The following TMED3 variants were observed in gnomAD, a reference collection of about 807,000 sequenced individuals.
TMED3 encodes transmembrane emp24 domain-containing protein 3.
In TMED3, 9 loss-of-function variants were observed where a neutral mutation model predicts 15.0. The ratio of observed to expected loss-of-function variants is 0.60; its 90% CI spans 0.36 to 1.04. TMED3 has a LOEUF of 1.04. Among genes scored for constraint, TMED3 ranks in the 50% least tolerant of loss-of-function variants. The probability of loss-of-function intolerance (pLI) is 0.01; values close to 1 mark genes in which losing one functional copy is unlikely to be tolerated. For missense variants in TMED3, 267 were observed against 278.9 expected, an observed-to-expected ratio of 0.96 and a Z score of 0.30; for synonymous variants, 117 against 121.4, an observed-to-expected ratio of 0.96 and a Z score of 0.24.
At position 79,315,059 on chromosome 15, in the gene TMED3, C is replaced by T. The variant is rs146853558; in HGVS notation, c.417+1054C>T. Among the ~76,000 whole-genome samples, 412 of 152,272 alleles carry T rather than the reference C, an allele frequency of 2.7e-3. 4 individuals are homozygous for T. Among genetic ancestry groups the T allele is most frequent in the African/African-American group, 9.4e-3 (389 of 41,536 alleles). ...ACGTGTGCCAGAACCAAAGCCACAG[C>T]GTCTTGAACTTTCAAGGAGGCCAGA... On this transcript the variant is annotated intron_variant, in intron 2 of 2. Transcript: ENST00000299705.
At chr15:79,325,077 C>G (rs890413611), downstream of TMED3, among the ~76,000 whole-genome samples, 1 of 152,162 alleles carries the variant, frequency 6.6e-6, no homozygotes, top group Admixed American at 6.5e-5. Context: ...GGCACATCTG[C>G]TAGCTCACAT....
intron 2 of TMED3, among the ~76,000 whole-genome samples, chr15:79,342,864 AAAC>A (rs1329688554): frequency 1.3e-5 from 2 of 152,242 alleles, no homozygotes; most frequent in African/African-American, 4.8e-5. Flanking sequence ...GCCAGACAAT[AAAC>A]AGATAAAGTA....
chr15:79,404,424 T>C (rs1310022302), intron 2 of TMED3, among the ~76,000 whole-genome samples: 1 of 152,206 alleles, frequency 6.6e-6, no homozygotes, highest in Non-Finnish European at 1.5e-5. Flanking sequence ...GCATCCTCCC[T>C]TGTTTCTGTA....
intron 2 of TMED3, among the ~76,000 whole-genome samples, chr15:79,351,452 C>G (rs2058890661): frequency 6.6e-6 from 1 of 152,154 alleles, no homozygotes. Flanking sequence ...CTTTAATTAC[C>G]AGCACATCCA....
chr15:79,317,869 G>T (rs2058747734), intron 2 of TMED3, among the ~76,000 whole-genome samples: 1 of 152,178 alleles, frequency 6.6e-6, no homozygotes, highest in Admixed American at 6.5e-5. Flanking sequence ...CCTCTAAACT[G>T]GTTCGCATAC....
intron 2 of TMED3, among the ~76,000 whole-genome samples, chr15:79,395,108 ATAT>A (rs1893746896): frequency 6.6e-6 from 1 of 152,018 alleles, no homozygotes; most frequent in African/African-American, 2.4e-5. Context: ...TGGCCTGATA[ATAT>A]TTCCTGTTTT....
intron 2 of TMED3, among the ~76,000 whole-genome samples, chr15:79,386,197 T>C (rs1893624555): frequency 6.6e-6 from 1 of 152,218 alleles, no homozygotes. Flanking sequence ...GAAAAAGTTC[T>C]GAAGATCTAT....
intron 2 of TMED3, among the ~76,000 whole-genome samples, chr15:79,391,068 T>TC (rs1893689899): frequency 1.3e-5 from 2 of 151,972 alleles, no homozygotes; most frequent in Admixed American, 6.6e-5. Context: ...ATTTTTTTTT[T>TC]CATTTCAATT....
At chr15:79,336,405 C>A (rs556825128) in intron 2 of TMED3, among the ~76,000 whole-genome samples, 2 of 152,292 alleles carry the variant, frequency 1.3e-5, no homozygotes, top group Middle Eastern at 3.4e-3. Flanking sequence ...TGCCTGTAAT[C>A]CCAGCACTTT....
intron 2 of TMED3, among the ~76,000 whole-genome samples, chr15:79,345,183 T>C (rs1257563795): frequency 6.6e-6 from 1 of 152,196 alleles, no homozygotes; most frequent in African/African-American, 2.4e-5. Flanking sequence ...CAGGGGTACA[T>C]GTGCAGGTTT....
chr15:79,319,242 G>T (rs910243611), intron 2 of TMED3, among the ~76,000 whole-genome samples: 6 of 152,350 alleles, frequency 3.9e-5, no homozygotes, highest in African/African-American at 1.4e-4. Flanking sequence ...CTGGATGAGA[G>T]GGCCAGCCAC....
chr15:79,339,915 G>A (rs1461965233), intron 2 of TMED3, among the ~76,000 whole-genome samples: 1 of 150,162 alleles, frequency 6.7e-6, no homozygotes, highest in Non-Finnish European at 1.5e-5. Context: ...GATGGTGATG[G>A]TGGTGGAGAT....
At chr15:79,363,324 T>A (rs1893165850) in intron 2 of TMED3, among the ~76,000 whole-genome samples, 1 of 152,076 alleles carries the variant, frequency 6.6e-6, no homozygotes, top group South Asian at 2.1e-4. Context: ...AAGAACAGAT[T>A]AATAGACCAG....
At chr15:79,324,382 A>T (rs1234908411), downstream of TMED3, among the ~76,000 whole-genome samples, 1 of 152,220 alleles carries the variant, frequency 6.6e-6, no homozygotes, top group African/African-American at 2.4e-5. Flanking sequence ...GAGAAATACA[A>T]TAGGGTACTC....
chr15:79,367,418 T>C (rs113954762), intron 2 of TMED3, among the ~76,000 whole-genome samples: 307 of 152,286 alleles, frequency 2.0e-3, no homozygotes, highest in African/African-American at 6.9e-3. Context: ...GGGAAGCTAA[T>C]GCTTCAGTCC....
chr15:79,333,837 A>C (rs1249463508), intron 2 of TMED3, among the ~76,000 whole-genome samples: 1 of 152,178 alleles, frequency 6.6e-6, no homozygotes, highest in Non-Finnish European at 1.5e-5. Flanking sequence ...AATATTTCAA[A>C]CTAAGTAAAA....
intron 2 of TMED3, among the ~76,000 whole-genome samples, chr15:79,401,922 T>G (rs1893839197): frequency 6.6e-6 from 1 of 152,160 alleles, no homozygotes; most frequent in South Asian, 2.1e-4. Context: ...GCATTCTTCA[T>G]GAAGAGTATC....
chr15:79,363,510 A>C (rs958672742), intron 2 of TMED3, among the ~76,000 whole-genome samples: 1 of 151,744 alleles, frequency 6.6e-6, no homozygotes, highest in African/African-American at 2.4e-5. Flanking sequence ...ACTCAAAAAA[A>C]AAAAAAAAAA....
intron 2 of TMED3, among the ~76,000 whole-genome samples, chr15:79,369,859 T>C (rs1447464430): frequency 6.6e-6 from 1 of 152,158 alleles, no homozygotes; most frequent in East Asian, 1.9e-4. Flanking sequence ...AGGGCGATCC[T>C]TTTTTTCCCC....
Sources: allele counts gnomAD v4.1 joint callset (sites outside exome capture counted in the v4.1 genomes callset), GRCh38; gene constraint gnomAD v4.1.1; transcripts MANE v1.5; gene names NCBI Gene and HGNC (gene_info 2026-07-23, HGNC 2026-07-21).